Variants in GALNTL6 observed in about 807,000 individuals in gnomAD.
GALNTL6 encodes polypeptide N-acetylgalactosaminyltransferase-like 6.
In GALNTL6, 46 loss-of-function variants were observed where a neutral mutation model predicts 73.7. The ratio of observed to expected loss-of-function variants is 0.62; its 90% CI spans 0.49 to 0.80. The LOEUF is 0.80. Among genes scored for constraint, GALNTL6 ranks in the 30% least tolerant of loss-of-function variants. The pLI is 0.00. For missense variants in GALNTL6, 604 were observed against 755.0 expected, an observed-to-expected ratio of 0.80 and a Z score of 2.34; for synonymous variants, 259 against 263.7, an observed-to-expected ratio of 0.98 and a Z score of 0.17.
intron 5 of GALNTL6, among the ~76,000 whole-genome samples, chr4:172,803,390 A>G (rs1740771514): frequency 6.6e-6 from 1 of 152,186 alleles, no homozygotes; most frequent in Non-Finnish European, 1.5e-5. Context: ...TGCGCTCCTT[A>G]TGAGAATCTA....
Position 172,536,796 on chromosome 4 carries a change from C to T in GALNTL6, c.553+188107C>T, listed in dbSNP as rs184837861. Among the ~76,000 whole-genome samples, 16 of 152,236 alleles carry T rather than the reference C, an allele frequency of 1.1e-4. No individual in the cohort carries two copies. The East Asian group carries it at 1.5e-3, about 15-fold the overall frequency. The stretch of plus-strand genomic sequence containing the variant: ...GTGATAGAAAAGAAAAACCTATTTT[C>T]TGGGGAGAAATTCAAGCCAGCAGCA... On this transcript the variant is annotated intron_variant, in intron 5 of 12. Coordinates refer to ENST00000506823, the MANE Select transcript of GALNTL6 (RefSeq NM_001034845.3).
At chr4:172,338,267 A>G (rs1459921508) in intron 4 of GALNTL6, among the ~76,000 whole-genome samples, 2 of 151,436 alleles carry the variant, frequency 1.3e-5, no homozygotes, top group Admixed American at 6.6e-5. Flanking sequence ...TGGGGTTTCT[A>G]TTTTGGTTAG....
chr4:172,336,814 A>G lies in GALNTL6; in HGVS notation c.387-11709A>G, dbSNP rs1411389240. Reference sequence around the variant, plus strand: ...AATTTCTTTGTTAGTTTTCTGCCTTATAGATGTCTTTAATGCTGTCAGTGA... The same window carrying G: ...AATTTCTTTGTTAGTTTTCTGCCTTGTAGATGTCTTTAATGCTGTCAGTGA... On this transcript the variant is annotated intron_variant, in intron 4 of 12. Coordinates refer to ENST00000506823, the MANE Select transcript of GALNTL6 (RefSeq NM_001034845.3). 2.6e-5 allele frequency among the ~76,000 whole-genome samples: 4 copies of G among 152,272 alleles called. No individual in the cohort carries two copies. In the East Asian group the frequency reaches 7.7e-4, roughly 29 times the overall value.
chr4:172,131,865 T>C (rs1268019045), intron 2 of GALNTL6, among the ~76,000 whole-genome samples: 1 of 151,996 alleles, frequency 6.6e-6, no homozygotes, highest in Admixed American at 6.6e-5. Flanking sequence ...GTCAACCATG[T>C]AAAATTGACA....
intron 2 of GALNTL6, among the ~76,000 whole-genome samples, chr4:172,065,571 T>C (rs1731333752): frequency 6.6e-6 from 1 of 152,112 alleles, no homozygotes; most frequent in African/African-American, 2.4e-5. Context: ...AAAAAAAGAC[T>C]AATTTTTTTT....
At chr4:172,635,272 A>G (rs1739615547) in intron 5 of GALNTL6, among the ~76,000 whole-genome samples, 1 of 152,136 alleles carries the variant, frequency 6.6e-6, no homozygotes, top group Non-Finnish European at 1.5e-5. Flanking sequence ...AGTGTTTTGG[A>G]TATTTTTCAA....
At chr4:172,580,231 C>T (rs1281223779) in intron 5 of GALNTL6, among the ~76,000 whole-genome samples, 1 of 151,964 alleles carries the variant, frequency 6.6e-6, no homozygotes, top group Non-Finnish European at 1.5e-5. Flanking sequence ...AAATCAGCCC[C>T]ACAAAGACTA....
At chr4:172,075,567 C>A (rs572201452) in intron 2 of GALNTL6, among the ~76,000 whole-genome samples, 2 of 152,142 alleles carry the variant, frequency 1.3e-5, no homozygotes, top group South Asian at 4.1e-4. Flanking sequence ...GATCTCCTGA[C>A]CTCGCGATCT....
chr4:172,340,473 C>T (rs1056887842), intron 4 of GALNTL6, among the ~76,000 whole-genome samples: 3 of 152,004 alleles, frequency 2.0e-5, no homozygotes, highest in African/African-American at 7.2e-5. Context: ...GGTGTCTTTG[C>T]CCATCTTTGA....
At chr4:172,094,686 C>T (rs974708842) in intron 2 of GALNTL6, among the ~76,000 whole-genome samples, 9 of 151,836 alleles carry the variant, frequency 5.9e-5, no homozygotes, top group Non-Finnish European at 1.3e-4. Context: ...TGTATAGATT[C>T]TTATTCTCTT....
chr4:172,326,076 A>G (rs540246949), intron 4 of GALNTL6, among the ~76,000 whole-genome samples: 2 of 152,030 alleles, frequency 1.3e-5, no homozygotes, highest in South Asian at 4.1e-4. Flanking sequence ...AAACTTAGAA[A>G]CCAACACATA....
intron 5 of GALNTL6, among the ~76,000 whole-genome samples, chr4:172,552,172 T>TA (rs1299748895): frequency 6.6e-6 from 1 of 152,142 alleles, no homozygotes. Context: ...ACTCAATAGA[T>TA]ACGTATCTTT....
chr4:171,943,050 G>A (rs1180489262), intron 2 of GALNTL6, among the ~76,000 whole-genome samples: 1 of 152,108 alleles, frequency 6.6e-6, no homozygotes, highest in Non-Finnish European at 1.5e-5. Context: ...TTTTTCCATA[G>A]TTTCTCTCAA....
At chr4:172,560,078 A>T (rs1266770593) in intron 5 of GALNTL6, among the ~76,000 whole-genome samples, 1 of 152,188 alleles carries the variant, frequency 6.6e-6, no homozygotes, top group Admixed American at 6.5e-5. Flanking sequence ...TTAAAATAAG[A>T]GAGTGAAGAT....
intron 5 of GALNTL6, among the ~76,000 whole-genome samples, chr4:172,769,716 C>G (rs1343455386): frequency 1.3e-5 from 2 of 152,150 alleles, no homozygotes; most frequent in East Asian, 3.8e-4. Flanking sequence ...ATGATGCTGA[C>G]TTAATTCCCA....
chr4:171,963,633 C>T (rs1216035024), intron 2 of GALNTL6, among the ~76,000 whole-genome samples: 2 of 152,008 alleles, frequency 1.3e-5, no homozygotes, highest in African/African-American at 2.4e-5. Context: ...TTCAATTAAC[C>T]CTAAGGAGTG....
At chr4:171,853,467 T>C (rs1164218663) in intron 2 of GALNTL6, among the ~76,000 whole-genome samples, 1 of 151,520 alleles carries the variant, frequency 6.6e-6, no homozygotes, top group Non-Finnish European at 1.5e-5. Flanking sequence ...TTCATTCTTT[T>C]CTTTTTTTTC....
intron 2 of GALNTL6, among the ~76,000 whole-genome samples, chr4:172,105,663 T>C (rs72990354): frequency 0.012 from 1,765 of 152,158 alleles, 39 homozygotes; most frequent in African/African-American, 0.039. Flanking sequence ...TAGTAAACAA[T>C]AGATTCTTAA....
intron 2 of GALNTL6, among the ~76,000 whole-genome samples, chr4:172,177,828 C>CACACACATATATGTGTGTATATATATAT (rs1560955687): frequency 7.6e-6 from 1 of 131,646 alleles, no homozygotes; most frequent in Non-Finnish European, 1.6e-5. Context: ...TGTATATATA[C>CACACACATATATGTGTGTATATATATAT]ACACACATAT....
Sources: gnomAD v4.1 joint callset for allele counts (sites outside exome capture counted in the v4.1 genomes callset) on GRCh38, gnomAD v4.1.1 for gene constraint, MANE v1.5 for transcripts, NCBI Gene and HGNC (gene_info 2026-07-23, HGNC 2026-07-21) for gene names.